UROS: variants seen among roughly 807,000 people sequenced by gnomAD.
UROS encodes the protein uroporphyrinogen-III synthase.
Under a neutral mutation model 33.0 loss-of-function variants are expected in UROS, and 18 were observed. That is an observed-to-expected ratio of 0.55 (90% CI 0.38 to 0.81). The LOEUF is 0.81. Ranked by LOEUF, UROS falls within the 30% of genes least tolerant of loss-of-function variation. UROS has a pLI of 0.00. For missense variants in UROS, 293 were observed against 314.9 expected (o/e 0.93, Z 0.53); for synonymous variants, 114 against 121.1 (o/e 0.94, Z 0.38).
intron 9 of UROS, chr10:125,794,347 C>T (rs935646950): frequency 6.0e-6 from 6 of 996,528 alleles, no homozygotes; most frequent in Admixed American, 1.1e-4. Flanking sequence ...TCACATCCTG[C>T]ACCCTCTCCT....
intron 6 of UROS, among the ~76,000 whole-genome samples, chr10:125,799,275 T>C (rs971084262): frequency 6.6e-6 from 1 of 152,214 alleles, no homozygotes; most frequent in African/African-American, 2.4e-5. Context: ...ATTGTTAAAT[T>C]CGTTAATAGA....
intron 7 of UROS, among the ~76,000 whole-genome samples, chr10:125,797,169 C>CG (rs1395768411): frequency 1.3e-5 from 2 of 151,998 alleles, no homozygotes; most frequent in Admixed American, 6.6e-5. Context: ...CATTTTAATA[C>CG]GGGGGGAAAG....
At chr10:125,798,272 TCA>T (rs1491160285) in intron 6 of UROS, 127 bp from the exon 7 acceptor site, 1 of 911,558 alleles carries the variant, frequency 1.1e-6, no homozygotes, top group African/African-American at 1.6e-5. Flanking sequence ...CTTCTAGGAC[TCA>T]GTTTCAGCAT....
intron 1 of UROS, chr10:125,816,747 G>C (rs1268197322): frequency 2.7e-5 from 16 of 584,608 alleles, no homozygotes; most frequent in South Asian, 1.3e-4. Context: ...CACTTGGAAA[G>C]ACAGATGAAA....
intron 6 of UROS, among the ~76,000 whole-genome samples, chr10:125,801,485 A>G (rs1851834424): frequency 6.6e-6 from 1 of 152,230 alleles, no homozygotes; most frequent in African/African-American, 2.4e-5. Context: ...CATAGCTATG[A>G]ATTGGCCTGT....
At chr10:125,807,561 G>T in intron 5 of UROS, 74 bp from the exon 6 acceptor site, 2 of 1,159,920 alleles carry the variant, frequency 1.7e-6, no homozygotes, top group Non-Finnish European at 2.6e-6. Flanking sequence ...ATTTTTTAAC[G>T]TGCAAATACA....
At chr10:125,803,775 G>A (rs1347789474) in intron 6 of UROS, among the ~76,000 whole-genome samples, 2 of 152,204 alleles carry the variant, frequency 1.3e-5, no homozygotes, top group Non-Finnish European at 2.9e-5. Context: ...GCCACCCACT[G>A]CCCCTGCCAT....
Position 125,812,226 on chromosome 10 carries a change from T to C in UROS, c.307A>G (p.Thr103Ala), listed in dbSNP as rs187322901. 3.7e-6 allele frequency: 6 copies of C among 1,613,948 alleles called. No individual in the cohort carries two copies. Among genetic ancestry groups the C allele is most frequent in the Non-Finnish European group, 5.1e-6 (6 of 1,179,956 alleles). The change falls in exon 5 of 10, where the codon ACT becomes GCT. Residue 103 changes from threonine to alanine, a missense_variant. Transcript: ENST00000368797. ...CTTGACTCCTTACCTAGAGAAGCAG[T>C]AGCATTTCCAACCACATACACTGAC... is the stretch of plus-strand genomic sequence containing the variant. Reference protein sequence around the residue: ...AKSVYVVGNATASLVSKIGLD... With the variant: ...AKSVYVVGNAAASLVSKIGLD...
At position 125,796,781 on chromosome 10, in the gene UROS, G is replaced by A. The variant is rs148664184; in HGVS notation, c.476-593C>T. The A allele has an allele frequency of 6.1e-6, 6 of 985,330 alleles. No individual in the cohort carries two copies. The South Asian group carries it at 1.9e-4, about 31-fold the overall frequency. 61.0% of individuals were successfully genotyped at this position (985,330 alleles called of 1,614,324 possible). ...TGGTGATGAGGCGCTAGGCACTGAA[G>A]GGACTCACGCAATTTCAGTCAGATA... is the stretch of plus-strand genomic sequence containing the variant. On this transcript the variant is annotated intron_variant, in intron 7 of 9. Coordinates refer to ENST00000368797, the MANE Select transcript of UROS (RefSeq NM_000375.3).
intron 9 of UROS, 26 bp downstream of exon 9, chr10:125,794,854 G>T: frequency 6.5e-6 from 10 of 1,540,688 alleles, no homozygotes; most frequent in South Asian, 3.4e-5. Context: ...ATCTGAAAAA[G>T]ACCAAAAGCT....
At chr10:125,803,112 A>G in intron 6 of UROS, 1 of 1,584,940 alleles carries the variant, frequency 6.3e-7, no homozygotes, top group South Asian at 1.1e-5. Flanking sequence ...AGAGCTTTGG[A>G]GTCAGCCAGT....
At chr10:125,802,061 G>T (rs191155742) in intron 6 of UROS, 2 of 985,296 alleles carry the variant, frequency 2.0e-6, no homozygotes, top group Admixed American at 6.1e-5. Flanking sequence ...GCAATGTCAA[G>T]ATCTACCATT....
rs1188863429 is a variant in UROS at position 125,816,785 on chromosome 10, C to A, written c.-26-260G>T. ...ATTAGTGAAAGCCAAGTGTCCTATGCCAAACGTTTATGGTTCCGGAAAGAG... is the reference window on the plus strand; with the variant it reads ...ATTAGTGAAAGCCAAGTGTCCTATGACAAACGTTTATGGTTCCGGAAAGAG... On this transcript the variant is annotated intron_variant, in intron 1 of 9. Coordinates refer to ENST00000368797, the MANE Select transcript of UROS (RefSeq NM_000375.3). Among the ~76,000 whole-genome samples the A allele has an allele frequency of 3.3e-5, 5 of 152,142 alleles. No individual in the cohort carries two copies. The East Asian group carries it at 5.8e-4, about 18-fold the overall frequency.
intron 9 of UROS, 50 bp downstream of exon 9, chr10:125,794,830 A>T: frequency 6.7e-7 from 1 of 1,485,284 alleles, no homozygotes; most frequent in Non-Finnish European, 9.3e-7. Context: ...TAAAGATTAA[A>T]AAAAAAAAAA....
intron 9 of UROS, chr10:125,789,334 G>C: frequency 7.9e-7 from 1 of 1,262,072 alleles, no homozygotes; most frequent in Non-Finnish European, 1.0e-6. Context: ...GCTGCAGACA[G>C]TTCTTCTTCG....
intron 9 of UROS, chr10:125,793,737 G>A (rs1336102687): frequency 6.6e-6 from 1 of 152,010 alleles, no homozygotes; most frequent in African/African-American, 2.4e-5. Context: ...AGTAAAGACG[G>A]GGTTTTCATC....
chr10:125,822,988 G>A (rs1854131566), intron 1 of UROS, 41 bp downstream of exon 1: 1 of 152,436 alleles, frequency 6.6e-6, no homozygotes, highest in South Asian at 2.0e-4. Flanking sequence ...ACGCCCGCGG[G>A]CTTCGGCGTC....
At chr10:125,822,067 T>G (rs1853968750) in intron 1 of UROS, among the ~76,000 whole-genome samples, 1 of 152,112 alleles carries the variant, frequency 6.6e-6, no homozygotes, top group African/African-American at 2.4e-5. Context: ...GCTCACACCA[T>G]TCCTAGAATC....
chr10:125,813,709 C>T (rs1303969078), intron 4 of UROS, among the ~76,000 whole-genome samples: 1 of 152,180 alleles, frequency 6.6e-6, no homozygotes, highest in Non-Finnish European at 1.5e-5. Flanking sequence ...GAACTCCTGA[C>T]CTCAAGTGAT....
Sources: gnomAD v4.1 joint callset for allele counts (sites outside exome capture counted in the v4.1 genomes callset) on GRCh38, gnomAD v4.1.1 for gene constraint, MANE v1.5 for transcripts, NCBI Gene and HGNC (gene_info 2026-07-23, HGNC 2026-07-21) for gene names.